KIZ: variants seen among roughly 807,000 people sequenced by gnomAD.
The protein encoded by KIZ is centrosomal protein kizuna.
KIZ carries 68 observed loss-of-function variants against 79.6 expected under a neutral mutation model. The ratio of observed to expected loss-of-function variants is 0.85; its 90% CI spans 0.70 to 1.05. The LOEUF is 1.05. KIZ is among the 50% of genes least tolerant of loss of function. The pLI is 0.00. For synonymous variants in KIZ, 280 were observed against 281.8 expected (o/e 0.99, Z 0.06); for missense variants, 797 against 800.4 (o/e 1.00, Z 0.05).
chr20:21,224,101 C>A (rs1003217571), intron 9 of KIZ, among the ~76,000 whole-genome samples: 1 of 152,192 alleles, frequency 6.6e-6, no homozygotes, highest in Admixed American at 6.5e-5. Context: ...TCAAGCAGTT[C>A]TCCTGCCTCA....
At chr20:21,188,676 T>TTTTATTTATTTATTTA (rs149324316) in intron 6 of KIZ, among the ~76,000 whole-genome samples, 1,520 of 141,862 alleles carry the variant, frequency 0.011, 14 homozygotes, top group East Asian at 0.027. Context: ...TTGCATTTTA[T>TTTTATTTATTTATTTA]TTTATTTATT....
intron 6 of KIZ, among the ~76,000 whole-genome samples, chr20:21,176,548 C>A (rs1200483862): frequency 7.3e-6 from 1 of 136,066 alleles, no homozygotes; most frequent in Non-Finnish European, 1.6e-5. Flanking sequence ...CAACAAAAAA[C>A]ATTACAAGGC....
At chr20:21,218,591 A>T (rs16982602) in intron 9 of KIZ, 4 of 152,320 alleles carry the variant, frequency 2.6e-5, no homozygotes, top group African/African-American at 9.6e-5. Flanking sequence ...TTGTTTAAAA[A>T]TGTGAGCCTA....
At chr20:21,189,660 T>C (rs1413090945) in intron 6 of KIZ, among the ~76,000 whole-genome samples, 2 of 152,242 alleles carry the variant, frequency 1.3e-5, no homozygotes, top group Non-Finnish European at 2.9e-5. Context: ...CAGCCTGTGC[T>C]ACAATGAAGA....
At chr20:21,171,141 G>A (rs1385254901) in intron 6 of KIZ, among the ~76,000 whole-genome samples, 1 of 152,210 alleles carries the variant, frequency 6.6e-6, no homozygotes, top group African/African-American at 2.4e-5. Context: ...AAGGTGTTTA[G>A]TGGTATGCAA....
At chr20:21,176,541 C>CA (rs141825243) in intron 6 of KIZ, among the ~76,000 whole-genome samples, 2,218 of 114,808 alleles carry the variant, frequency 0.019, 61 homozygotes, top group African/African-American at 0.069. Context: ...TGGCTTTCAA[C>CA]AAAAAACATT....
At chr20:21,244,374 T>C in intron 12 of KIZ, 86 bp downstream of exon 12, 1 of 937,344 alleles carries the variant, frequency 1.1e-6, no homozygotes, top group Non-Finnish European at 1.7e-6. Context: ...TGCACCCTCA[T>C]GTGAGTCCTG....
chr20:21,134,549 A>G (rs1390229707), intron 2 of KIZ, among the ~76,000 whole-genome samples: 3 of 148,348 alleles, frequency 2.0e-5, no homozygotes, highest in Admixed American at 2.0e-4. Context: ...TCTTTTTCCT[A>G]TTTTTTGCCG....
At chr20:21,231,305 C>T (rs1187956034) in intron 10 of KIZ, among the ~76,000 whole-genome samples, 2 of 152,182 alleles carry the variant, frequency 1.3e-5, no homozygotes, top group Admixed American at 6.5e-5. Context: ...GCCTGGGTGA[C>T]AGGGCCAGAC....
intron 3 of KIZ, among the ~76,000 whole-genome samples, chr20:21,141,017 TTAATAA>T (rs1295282743): frequency 2.0e-5 from 3 of 151,692 alleles, no homozygotes; most frequent in Non-Finnish European, 1.5e-5. Flanking sequence ...CCAAAAAAAA[TTAATAA>T]TAATAAAGTA....
intron 4 of KIZ, chr20:21,151,552 TG>T (rs1185665020): frequency 1.4e-4 from 22 of 152,228 alleles, no homozygotes; most frequent in Non-Finnish European, 3.2e-4. Flanking sequence ...GATAAATTTT[TG>T]TGGGGAAACA....
intron 7 of KIZ, among the ~76,000 whole-genome samples, chr20:21,207,620 GC>G (rs1175473309): frequency 6.6e-6 from 1 of 150,736 alleles, no homozygotes; most frequent in African/African-American, 2.4e-5. Flanking sequence ...CATAGATACA[GC>G]CCCCCGTATG....
At chr20:21,184,344 T>C (rs2034786412) in intron 6 of KIZ, among the ~76,000 whole-genome samples, 1 of 151,826 alleles carries the variant, frequency 6.6e-6, no homozygotes, top group Non-Finnish European at 1.5e-5. Context: ...AGAGACGGGG[T>C]TTCACTGTGT....
At chr20:21,164,312 T>A (rs1214255194) in intron 6 of KIZ, among the ~76,000 whole-genome samples, 1 of 152,202 alleles carries the variant, frequency 6.6e-6, no homozygotes, top group Non-Finnish European at 1.5e-5. Flanking sequence ...GTTCAGGAAA[T>A]ATTTATTAAG....
intron 6 of KIZ, among the ~76,000 whole-genome samples, chr20:21,200,644 T>C (rs1275037514): frequency 6.6e-6 from 1 of 152,006 alleles, no homozygotes; most frequent in Non-Finnish European, 1.5e-5. Flanking sequence ...CTCCCCCTGA[T>C]CTGACAGGAG....
chr20:21,218,035 A>T (rs1479644353), intron 9 of KIZ: 4 of 152,250 alleles, frequency 2.6e-5, no homozygotes, highest in Non-Finnish European at 5.9e-5. Context: ...ACACAAGCAC[A>T]GTACTGCTGC....
At position 21,163,170 on chromosome 20, in the gene KIZ, C is replaced by G; in HGVS notation, c.1352+11C>G. 1 of 1,572,524 alleles carries G rather than the reference C, an allele frequency of 6.4e-7. No individual in the cohort carries two copies. Among genetic ancestry groups the G allele is most frequent in the Non-Finnish European group, 8.6e-7 (1 of 1,157,680 alleles). ...CGCACCAACAAGAGAGTAAGCCATT[C>G]AATTTTTTTTTTCTACTGTTCTGTT... On this transcript the variant is annotated intron_variant, in intron 6 of 12. Transcript: ENST00000619189.
chr20:21,239,669 G>A (rs1163759424), intron 11 of KIZ, among the ~76,000 whole-genome samples: 1 of 152,074 alleles, frequency 6.6e-6, no homozygotes, highest in Non-Finnish European at 1.5e-5. Context: ...AGCTACGTTA[G>A]CCTTTTGTTC....
At chr20:21,166,020 G>A (rs1388737307) in intron 6 of KIZ, among the ~76,000 whole-genome samples, 2 of 152,098 alleles carry the variant, frequency 1.3e-5, no homozygotes, top group Non-Finnish European at 2.9e-5. Flanking sequence ...AGGCTGGAGT[G>A]CAATGGCGCA....
Sources: gnomAD v4.1 joint callset for allele counts (sites outside exome capture counted in the v4.1 genomes callset) on GRCh38, gnomAD v4.1.1 for gene constraint, MANE v1.5 for transcripts, NCBI Gene and HGNC (gene_info 2026-07-23, HGNC 2026-07-21) for gene names.